Variants in CHCHD3 observed in about 807,000 individuals in gnomAD.
CHCHD3 encodes coiled-coil-helix-coiled-coil-helix domain containing 3, also known as MICOS complex subunit MIC19.
A neutral mutation model predicts 38.2 loss-of-function variants in CHCHD3; 20 were observed. The observed-to-expected ratio is 0.52, with a 90% CI of 0.37 to 0.76. The LOEUF (loss-of-function observed/expected upper bound fraction) is 0.76, where lower values mean the gene tolerates loss of function less well. Ranked by LOEUF, CHCHD3 falls within the 30% of genes least tolerant of loss-of-function variation. The pLI is 0.00. For missense variants in CHCHD3, 245 were observed against 279.2 expected, an observed-to-expected ratio of 0.88 and a Z score of 0.87; for synonymous variants, 82 against 100.0, an observed-to-expected ratio of 0.82 and a Z score of 1.07.
chr7:133,039,213 T>G (rs1047443399), intron 2 of CHCHD3, among the ~76,000 whole-genome samples: 1 of 152,206 alleles, frequency 6.6e-6, no homozygotes, highest in African/African-American at 2.4e-5. Context: ...GGGTATTCTA[T>G]CTCAATAACA....
chr7:133,003,566 A>C (rs939820030), intron 3 of CHCHD3, among the ~76,000 whole-genome samples: 13 of 152,230 alleles, frequency 8.5e-5, no homozygotes, highest in Non-Finnish European at 1.5e-4. Context: ...CATATGTGAC[A>C]GTGGAAAAGC....
chr7:132,822,851 A>C (rs1411876942), intron 6 of CHCHD3, among the ~76,000 whole-genome samples: 2 of 151,490 alleles, frequency 1.3e-5, no homozygotes, highest in Non-Finnish European at 2.9e-5. Flanking sequence ...AAAACAAAAC[A>C]AAAAACCAAA....
intron 4 of CHCHD3, among the ~76,000 whole-genome samples, chr7:132,958,311 G>A (rs1438920862): frequency 6.6e-6 from 1 of 151,984 alleles, no homozygotes; most frequent in Non-Finnish European, 1.5e-5. Context: ...TGGCTGAAAT[G>A]TATTTTGTAA....
At chr7:132,854,779 T>C (rs1409451826) in intron 5 of CHCHD3, among the ~76,000 whole-genome samples, 2 of 152,136 alleles carry the variant, frequency 1.3e-5, no homozygotes, top group African/African-American at 4.8e-5. Flanking sequence ...AATTTAGTTA[T>C]GTGATTCCAC....
intron 2 of CHCHD3, among the ~76,000 whole-genome samples, chr7:133,069,392 G>T (rs1305086743): frequency 6.6e-6 from 1 of 152,110 alleles, no homozygotes; most frequent in Non-Finnish European, 1.5e-5. Flanking sequence ...TCTATAGCCA[G>T]ATTTCCCCCT....
chr7:133,077,971 TC>T (rs1815053166), intron 1 of CHCHD3, among the ~76,000 whole-genome samples: 1 of 152,192 alleles, frequency 6.6e-6, no homozygotes, highest in Non-Finnish European at 1.5e-5. Flanking sequence ...GTAGGTCCTT[TC>T]ATTGCTATTA....
intron 6 of CHCHD3, among the ~76,000 whole-genome samples, chr7:132,807,994 A>G (rs1364994032): frequency 6.6e-6 from 1 of 152,144 alleles, no homozygotes; most frequent in Non-Finnish European, 1.5e-5. Context: ...GGCACTAAAT[A>G]GAAAACTGAT....
chr7:132,832,068 G>GA (rs964508641), intron 6 of CHCHD3, among the ~76,000 whole-genome samples: 38 of 149,544 alleles, frequency 2.5e-4, no homozygotes, highest in South Asian at 6.3e-4. Flanking sequence ...CCCTAAAAAA[G>GA]AAAAAAAAAT....
At chr7:132,935,370 C>T (rs1308221085) in intron 4 of CHCHD3, among the ~76,000 whole-genome samples, 1 of 152,144 alleles carries the variant, frequency 6.6e-6, no homozygotes, top group Admixed American at 6.5e-5. Context: ...TAGCATATCA[C>T]ACTAGCATTT....
At chr7:132,881,201 C>T (rs906494275) in intron 5 of CHCHD3, among the ~76,000 whole-genome samples, 2 of 152,096 alleles carry the variant, frequency 1.3e-5, no homozygotes, top group Middle Eastern at 3.2e-3. Flanking sequence ...TTACTCCTAA[C>T]AAGTTAGTGA....
intron 3 of CHCHD3, among the ~76,000 whole-genome samples, chr7:133,008,230 G>A (rs1584638679): frequency 1.3e-5 from 2 of 152,112 alleles, no homozygotes; most frequent in Admixed American, 1.3e-4. Flanking sequence ...AGTGATCAAA[G>A]GGATCAAGTA....
chr7:133,070,805 T>C (rs1194051784), intron 1 of CHCHD3, among the ~76,000 whole-genome samples: 2 of 152,056 alleles, frequency 1.3e-5, no homozygotes, highest in Non-Finnish European at 2.9e-5. Flanking sequence ...AAATACAACA[T>C]GAAGAGTGCT....
At chr7:132,876,270 C>T (rs142534730) in intron 5 of CHCHD3, among the ~76,000 whole-genome samples, 11 of 152,198 alleles carry the variant, frequency 7.2e-5, no homozygotes, top group Non-Finnish European at 1.6e-4. Context: ...CAATCTCATA[C>T]GCAGGAAACA....
intron 4 of CHCHD3, among the ~76,000 whole-genome samples, chr7:132,919,004 C>T (rs192553404): frequency 6.6e-6 from 1 of 150,690 alleles, no homozygotes; most frequent in East Asian, 1.9e-4. Flanking sequence ...GTTTTCTCCA[C>T]GAGGTAGATT....
intron 4 of CHCHD3, among the ~76,000 whole-genome samples, chr7:132,904,707 G>C (rs1204918058): frequency 6.6e-6 from 1 of 152,162 alleles, no homozygotes; most frequent in Admixed American, 6.5e-5. Context: ...TCTAGAACTA[G>C]AAATACCATT....
intron 4 of CHCHD3, among the ~76,000 whole-genome samples, chr7:132,913,837 C>T (rs143633906): frequency 9.9e-5 from 15 of 152,242 alleles, no homozygotes; most frequent in South Asian, 4.1e-4. Flanking sequence ...GAAGCAACTA[C>T]GCTGAGACAG....
intron 4 of CHCHD3, among the ~76,000 whole-genome samples, chr7:132,935,849 C>T (rs1292614339): frequency 2.0e-5 from 3 of 152,152 alleles, no homozygotes; most frequent in Non-Finnish European, 2.9e-5. Flanking sequence ...AAGGGCATGG[C>T]GCCAGCATCT....
At chr7:133,029,263 A>C (rs1813435963) in intron 2 of CHCHD3, among the ~76,000 whole-genome samples, 1 of 152,194 alleles carries the variant, frequency 6.6e-6, no homozygotes, top group Admixed American at 6.5e-5. Flanking sequence ...AGCACCACAC[A>C]GTTACCATTG....
intron 2 of CHCHD3, among the ~76,000 whole-genome samples, chr7:133,033,092 C>T (rs923873207): frequency 1.3e-5 from 2 of 152,042 alleles, no homozygotes; most frequent in Non-Finnish European, 1.5e-5. Flanking sequence ...ATTATGTAAA[C>T]GTTCAAACAT....
Sources: gnomAD v4.1 joint callset for allele counts (sites outside exome capture counted in the v4.1 genomes callset) on GRCh38, gnomAD v4.1.1 for gene constraint, MANE v1.5 for transcripts, NCBI Gene and HGNC (gene_info 2026-07-23, HGNC 2026-07-21) for gene names.